ARHGAP32: variants seen among roughly 807,000 people sequenced by gnomAD.
The protein encoded by ARHGAP32 is rho GTPase-activating protein 32.
ARHGAP32 carries 51 observed loss-of-function variants against 186.5 expected under a neutral mutation model. The ratio of observed to expected loss-of-function variants is 0.27; its 90% CI spans 0.22 to 0.35. The LOEUF (loss-of-function observed/expected upper bound fraction) is 0.35, where lower values mean the gene tolerates loss of function less well. Ranked by LOEUF, ARHGAP32 falls within the 10% of genes least tolerant of loss-of-function variation. The pLI, the probability that ARHGAP32 is intolerant of heterozygous loss-of-function variation, is 1.00. For synonymous variants in ARHGAP32, 950 were observed against 964.3 expected (o/e 0.99, Z 0.27); for missense variants, 2,186 against 2,623.5 (o/e 0.83, Z 3.64).
At chr11:129,136,256 G>T (rs116962463) in intron 2 of ARHGAP32, among the ~76,000 whole-genome samples, 1 of 152,132 alleles carries the variant, frequency 6.6e-6, no homozygotes, top group East Asian at 1.9e-4. Context: ...TAAGGCCCAC[G>T]TAAGATTCTA....
At chr11:129,086,025 A>C (rs571055064) in intron 6 of ARHGAP32, among the ~76,000 whole-genome samples, 2 of 151,538 alleles carry the variant, frequency 1.3e-5, no homozygotes, top group South Asian at 4.2e-4. Flanking sequence ...AACAAAAAAA[A>C]AAAACAAAAA....
intron 10 of ARHGAP32, among the ~76,000 whole-genome samples, chr11:129,058,406 C>T (rs1025806116): frequency 7.9e-5 from 12 of 152,138 alleles, no homozygotes; most frequent in African/African-American, 2.9e-4. Flanking sequence ...AGATATTATC[C>T]TTCTAACAGG....
In ARHGAP32 at chr11:128,971,007, G is replaced by A. The variant is rs144145037; in HGVS notation, c.4206C>T (p.Asp1402=). 284 of 1,613,712 alleles carry A rather than the reference G, an allele frequency of 1.8e-4. No individual in the cohort carries two copies. In the African/African-American group the frequency reaches 2.9e-3, roughly 17 times the overall value. Residue 1402 remains aspartate (D), a synonymous_variant, in exon 23 of 23, where the codon GAC becomes GAT. Transcript: ENST00000682385. ...GGTGCAGCAGCGGGACCCGGGCACC[G>A]TCCCGCACTTTCTCAGGCAGGCCTG... ...VQPGLPEKVR[D]GARVPLLHLR...
intron 6 of ARHGAP32, among the ~76,000 whole-genome samples, chr11:129,086,303 T>C (rs1941391922): frequency 6.6e-6 from 1 of 152,066 alleles, no homozygotes; most frequent in Non-Finnish European, 1.5e-5. Flanking sequence ...ACAGACTGAA[T>C]GAATGTAAAA....
In ARHGAP32 at chr11:129,204,214, CTA is replaced by C. The variant is rs1944489816; in HGVS notation, c.-4-39789_-4-39788del. On this transcript the variant is annotated intron_variant, in intron 1 of 6. Coordinates refer to the ARHGAP32 transcript ENST00000525234. ...CATATAAATTGTATACATATAAAAA[CTA>C]TACATATATAACCATATTCCTGCTC... is the stretch of plus-strand genomic sequence containing the variant. 2.6e-5 allele frequency among the ~76,000 whole-genome samples: 4 copies of C among 151,846 alleles called. No individual in the cohort carries two copies. The South Asian group carries it at 8.3e-4, about 32-fold the overall frequency.
intron 13 of ARHGAP32, among the ~76,000 whole-genome samples, chr11:128,987,557 C>T (rs1024309115): frequency 1.3e-5 from 2 of 152,180 alleles, no homozygotes. Context: ...TAAAATATTG[C>T]AGGCACAGAG....
chr11:129,100,079 T>C (rs988772772), intron 5 of ARHGAP32, among the ~76,000 whole-genome samples: 1 of 152,108 alleles, frequency 6.6e-6, no homozygotes, highest in Non-Finnish European at 1.5e-5. Context: ...GACACTTGAA[T>C]TGGCAGGGAG....
At chr11:129,066,587 C>A in intron 7 of ARHGAP32, 144 bp downstream of exon 7, 1 of 629,138 alleles carries the variant, frequency 1.6e-6, no homozygotes, top group African/African-American at 1.8e-5. Flanking sequence ...TTTAACATTA[C>A]TAACTTTTCA....
At chr11:129,195,939 T>C (rs576572529), upstream of ARHGAP32, among the ~76,000 whole-genome samples, 1 of 152,160 alleles carries the variant, frequency 6.6e-6, no homozygotes, top group African/African-American at 2.4e-5. Flanking sequence ...TTCTTCCTGA[T>C]TTGTTTAAAC....
chr11:129,150,591 C>G (rs1439887914), intron 2 of ARHGAP32, among the ~76,000 whole-genome samples: 1 of 152,074 alleles, frequency 6.6e-6, no homozygotes, highest in Non-Finnish European at 1.5e-5. Flanking sequence ...TATTTGTCAG[C>G]CATGAATTTT....
chr11:129,242,444 T>C (rs1485089847), intron 1 of ARHGAP32, among the ~76,000 whole-genome samples: 2 of 152,106 alleles, frequency 1.3e-5, no homozygotes, highest in African/African-American at 4.8e-5. Context: ...CTAGGCCAGG[T>C]GCAGTGGCTC....
At position 129,092,631 on chromosome 11, in the gene ARHGAP32, ATT is replaced by A. The variant is rs1286166270; in HGVS notation, c.531+988_531+989del. Among the ~76,000 whole-genome samples, 3 of 152,016 alleles carry A rather than the reference ATT, an allele frequency of 2.0e-5. No individual in the cohort carries two copies. The East Asian group carries it at 5.8e-4, about 29-fold the overall frequency. ...TTATTTATATACAAGCTAAAATTTG[ATT>A]TCCAATCCTATACTCTGACACCTAA... On this transcript the variant is annotated intron_variant, in intron 6 of 22. Transcript: ENST00000682385.
At chr11:129,236,311 T>C (rs1449385606) in intron 1 of ARHGAP32, among the ~76,000 whole-genome samples, 1 of 152,200 alleles carries the variant, frequency 6.6e-6, no homozygotes, top group African/African-American at 2.4e-5. Flanking sequence ...TGCATTTCTC[T>C]GATAATCAGT....
chr11:128,973,689 G>T, intron 21 of ARHGAP32: 1 of 552,188 alleles, frequency 1.8e-6, no homozygotes, highest in Non-Finnish European at 3.2e-6. Context: ...AAAAAAGCAT[G>T]TCCCTCACCT....
At chr11:129,149,612 C>A (rs565789045) in intron 2 of ARHGAP32, among the ~76,000 whole-genome samples, 1 of 152,250 alleles carries the variant, frequency 6.6e-6, no homozygotes, top group Non-Finnish European at 1.5e-5. Flanking sequence ...AGGGATCACC[C>A]CATGGGACAA....
Position 129,088,186 on chromosome 11 carries a change from G to A in ARHGAP32, c.531+5435C>T, listed in dbSNP as rs140161136. ...TAATTTGCAAATCATCTAAAACTACGTTAAATTCACTGAGTAAAATTATAA... is the reference window on the plus strand; with the variant it reads ...TAATTTGCAAATCATCTAAAACTACATTAAATTCACTGAGTAAAATTATAA... On this transcript the variant is annotated intron_variant, in intron 6 of 22. Transcript: ENST00000682385. Among the ~76,000 whole-genome samples the A allele has an allele frequency of 2.7e-3, 418 of 152,248 alleles. 4 individuals carry two copies. Among genetic ancestry groups the A allele is most frequent in the African/African-American group, 9.2e-3 (383 of 41,524 alleles).
intron 6 of ARHGAP32, among the ~76,000 whole-genome samples, chr11:129,092,369 C>A (rs1373136743): frequency 6.6e-6 from 1 of 151,760 alleles, no homozygotes; most frequent in African/African-American, 2.4e-5. Context: ...GAAATTCATT[C>A]CTGACATACC....
At chr11:129,082,271 A>G (rs1165818612) in intron 6 of ARHGAP32, among the ~76,000 whole-genome samples, 1 of 152,128 alleles carries the variant, frequency 6.6e-6, no homozygotes, top group Admixed American at 6.5e-5. Flanking sequence ...ATTCATATGG[A>G]ACCAAAAAAG....
At chr11:129,085,867 G>A (rs998590259) in intron 6 of ARHGAP32, among the ~76,000 whole-genome samples, 12 of 151,812 alleles carry the variant, frequency 7.9e-5, no homozygotes, top group South Asian at 2.1e-4. Context: ...GGTGGCGGGC[G>A]CCTGTAGTCC....
Sources: gnomAD v4.1 joint callset for allele counts (sites outside exome capture counted in the v4.1 genomes callset) on GRCh38, gnomAD v4.1.1 for gene constraint, MANE v1.5 for transcripts, NCBI Gene and HGNC (gene_info 2026-07-23, HGNC 2026-07-21) for gene names.